GTF2H2C: variants seen among roughly 807,000 people sequenced by gnomAD.
GTF2H2C encodes general transcription factor IIH subunit 2-like protein.
In GTF2H2C, 5 loss-of-function variants were observed where a neutral mutation model predicts 24.8. The ratio of observed to expected loss-of-function variants is 0.20; its 90% CI spans 0.11 to 0.42. The LOEUF (loss-of-function observed/expected upper bound fraction) is 0.42, where lower values mean the gene tolerates loss of function less well. GTF2H2C is among the 20% of genes least tolerant of loss of function. GTF2H2C has a pLI of 1.00. For missense variants in GTF2H2C, 45 were observed against 169.8 expected, an observed-to-expected ratio of 0.27 and a Z score of 4.08; for synonymous variants, 14 against 52.6, an observed-to-expected ratio of 0.27 and a Z score of 3.18.
intron 2 of GTF2H2C, among the ~76,000 whole-genome samples, chr5:69,563,928 C>A (rs1770573326): frequency 6.6e-6 from 1 of 151,122 alleles, no homozygotes; most frequent in East Asian, 2.0e-4. Flanking sequence ...GTGCTCGCCA[C>A]CACATCTGGC....
At chr5:69,565,707 G>T (rs1348015604) in intron 3 of GTF2H2C, 1 of 229,914 alleles carries the variant, frequency 4.3e-6, no homozygotes, top group African/African-American at 2.4e-5. Context: ...TGTAACCTAG[G>T]CGTGGGATAG....
chr5:69,565,020 T>G, intron 2 of GTF2H2C, 80 bp from the exon 3 acceptor site: 1 of 994,198 alleles, frequency 1.0e-6, no homozygotes, highest in South Asian at 1.6e-5. Context: ...ACTTTATATA[T>G]GTGTCTAATT....
intron 8 of GTF2H2C, 149 bp downstream of exon 8, chr5:69,568,356 C>A (rs1770875994): frequency 3.9e-6 from 2 of 508,434 alleles, no homozygotes; most frequent in Non-Finnish European, 3.6e-6. Context: ...ATCTCCCCCA[C>A]CATTATATTC....
intron 2 of GTF2H2C, among the ~76,000 whole-genome samples, chr5:69,563,147 T>C (rs1770488627): frequency 6.6e-6 from 1 of 150,782 alleles, no homozygotes; most frequent in Non-Finnish European, 1.5e-5. Flanking sequence ...CCTCAAGTGA[T>C]CACCTGCTTT....
intron 1 of GTF2H2C, among the ~76,000 whole-genome samples, chr5:69,560,752 C>A (rs1488134106): frequency 1.3e-5 from 2 of 151,854 alleles, no homozygotes; most frequent in Non-Finnish European, 2.9e-5. Context: ...GGAAACAGAT[C>A]ACTTAAAAAA....
intron 9 of GTF2H2C, among the ~76,000 whole-genome samples, chr5:69,573,328 TG>T (rs1213988476): frequency 2.2e-5 from 2 of 92,268 alleles, no homozygotes; most frequent in African/African-American, 8.4e-5. Context: ...GGATTACAGG[TG>T]TGTGCCACCA....
At chr5:69,573,083 A>G (rs1011277644) in intron 9 of GTF2H2C, among the ~76,000 whole-genome samples, 1 of 145,116 alleles carries the variant, frequency 6.9e-6, no homozygotes, top group East Asian at 2.0e-4. Context: ...ATACATATAT[A>G]TAAAGCTTAT....
chr5:69,590,213 A>G lies in GTF2H2C; in HGVS notation c.1029-115A>G, dbSNP rs1310777399. 2 of 128,402 alleles carry G rather than the reference A, an allele frequency of 1.6e-5. 1 individual carries two copies. The highest frequency in any genetic ancestry group is 3.3e-5 in the Non-Finnish European group (2 of 61,536). 8.0% of individuals were successfully genotyped at this position (128,402 alleles called of 1,614,324 possible). ...TGGTATTCTTAACTCTTTTTCCTGA[A>G]AGTCATGTGTAAAGACAAGTACATA... On this transcript the variant is annotated intron_variant, in intron 15 of 16. Transcript: ENST00000380729.
intron 1 of GTF2H2C, among the ~76,000 whole-genome samples, chr5:69,562,030 C>T (rs1197898460): frequency 6.6e-6 from 1 of 151,922 alleles, no homozygotes; most frequent in Non-Finnish European, 1.5e-5. Context: ...GCAAAATGTT[C>T]AGTTGAGGCT....
Position 69,567,771 on chromosome 5 carries a change from TAGTC to T in GTF2H2C, c.306_309del (p.Ser102ArgfsTer4), listed in dbSNP as rs748983458. On this transcript the variant is annotated frameshift_variant and splice_region_variant, in exon 7 of 17. Transcript: ENST00000380729. LOFTEE classifies it high-confidence loss of function. ...AGGAATATTTTGATCAAAATCCTAT[TAGTC>T]AGGTACGTATCTAAGTGATAGAATT... is the stretch of plus-strand genomic sequence containing the variant. The T allele has an allele frequency of 3.6e-5, 38 of 1,047,682 alleles. No homozygotes were observed. The highest frequency in any genetic ancestry group is 1.7e-4 in the Admixed American group (7 of 41,206). 64.9% of individuals were successfully genotyped at this position (1,047,682 alleles called of 1,614,324 possible). A position where few individuals can be genotyped will look rare whatever the true frequency, so the allele number is the denominator to read the frequency against.
chr5:69,566,371 C>A (rs1770759210), intron 4 of GTF2H2C, 163 bp downstream of exon 4: 1 of 956,880 alleles, frequency 1.0e-6, no homozygotes, highest in East Asian at 2.6e-5. Flanking sequence ...CTTGCCCCAG[C>A]AGGAAATGGT....
rs547058560 is a variant in GTF2H2C, at chr5:69,573,147, C to T, written c.470+597C>T. Among the ~76,000 whole-genome samples the T allele has an allele frequency of 8.6e-5, 10 of 116,586 alleles. No homozygotes were observed. In the South Asian group the frequency reaches 1.3e-3, roughly 15 times the overall value. 76.5% of individuals were successfully genotyped at this position (116,586 alleles called of 152,430 possible). A position where few individuals can be genotyped will look rare whatever the true frequency, so the allele number is the denominator to read the frequency against. The stretch of plus-strand genomic sequence containing the variant: ...AAAGCTTATATATCTATTATATATA[C>T]ACACACACACACACACACACACACA... On this transcript the variant is annotated intron_variant, in intron 9 of 16. Transcript: ENST00000380729.
At chr5:69,563,826 G>A (rs1770564781) in intron 2 of GTF2H2C, among the ~76,000 whole-genome samples, 1 of 151,946 alleles carries the variant, frequency 6.6e-6, no homozygotes, top group Non-Finnish European at 1.5e-5. Flanking sequence ...AGGCCAGAGT[G>A]CAGTGGCACG....
chr5:69,573,059 A>T (rs1354015734), intron 9 of GTF2H2C, among the ~76,000 whole-genome samples: 1 of 142,506 alleles, frequency 7.0e-6, no homozygotes, highest in African/African-American at 2.6e-5. Flanking sequence ...TACATATTAT[A>T]TATATAATTT....
chr5:69,587,834 ATATT>A (rs1373399825), intron 15 of GTF2H2C, among the ~76,000 whole-genome samples: 2 of 95,252 alleles, frequency 2.1e-5, no homozygotes, highest in African/African-American at 1.0e-4. Context: ...TTCCTGTTGG[ATATT>A]TAAGATTTTC....
At chr5:69,565,278 A>C in intron 3 of GTF2H2C, 90 bp downstream of exon 3, 1 of 465,350 alleles carries the variant, frequency 2.1e-6, no homozygotes, top group Middle Eastern at 5.4e-4. Flanking sequence ...TACATATGTT[A>C]AAATTCACCC....
chr5:69,560,844 A>G (rs1770277894), intron 1 of GTF2H2C, among the ~76,000 whole-genome samples: 2 of 151,528 alleles, frequency 1.3e-5, no homozygotes, highest in Non-Finnish European at 2.9e-5. Context: ...TGCAACCTCC[A>G]CCTCCCGGGT....
intron 9 of GTF2H2C, among the ~76,000 whole-genome samples, chr5:69,577,372 T>C (rs1771356809): frequency 7.2e-6 from 1 of 138,792 alleles, no homozygotes; most frequent in African/African-American, 2.8e-5. Context: ...TTAGATATAA[T>C]GCTGTTGCAC....
chr5:69,562,791 CTGATT>C (rs1480614078), intron 2 of GTF2H2C, 21 bp downstream of exon 2: 1 of 145,140 alleles, frequency 6.9e-6, no homozygotes, highest in African/African-American at 2.5e-5. Flanking sequence ...CTAGGCCCTG[CTGATT>C]TTTGTATTTC....
Sources: allele counts gnomAD v4.1 joint callset (sites outside exome capture counted in the v4.1 genomes callset), GRCh38; gene constraint gnomAD v4.1.1; transcripts MANE v1.5; gene names NCBI Gene and HGNC (gene_info 2026-07-23, HGNC 2026-07-21).